AP4E1: variants seen among roughly 807,000 people sequenced by gnomAD.
AP4E1 encodes AP-4 complex subunit epsilon-1.
Under a neutral mutation model 128.2 loss-of-function variants are expected in AP4E1, and 56 were observed. That is an observed-to-expected ratio of 0.44 (90% confidence interval 0.35 to 0.55). The LOEUF (loss-of-function observed/expected upper bound fraction) is 0.55. Among genes scored for constraint, AP4E1 ranks in the 20% least tolerant of loss-of-function variants. The pLI is 0.00. For missense variants in AP4E1, 1,324 were observed against 1,307.7 expected (o/e 1.01, Z -0.19); for synonymous variants, 484 against 473.1 (o/e 1.02, Z -0.30).
rs201339574 is a variant in AP4E1 at position 50,948,021 on chromosome 15, C to T, written c.1178C>T (p.Thr393Ile). Residue 393 changes from threonine to isoleucine, a missense_variant and splice_region_variant, in exon 11 of 21, where the codon ACT becomes ATT. Transcript: ENST00000261842. ...TTTTAATTTTTCTTCTTTAAATAGA[C>T]TCTGGAACTTCTTTACAGAATTACT... is the stretch of plus-strand genomic sequence containing the variant. ...DHPDPIIKRE[T>I]LELLYRITNA... is the part of the protein sequence containing the mutation. 4 of 1,594,634 alleles carry T rather than the reference C, an allele frequency of 2.5e-6. No individual in the cohort carries two copies. The highest frequency in any genetic ancestry group is 3.4e-6 in the Non-Finnish European group (4 of 1,163,316).
intron 3 of AP4E1, among the ~76,000 whole-genome samples, chr15:50,920,724 T>C (rs2063692111): frequency 6.6e-6 from 1 of 151,896 alleles, no homozygotes; most frequent in Admixed American, 6.6e-5. Context: ...ATGTCTTCAC[T>C]CTGGTACTGT....
chr15:50,949,949 T>C lies in AP4E1; in HGVS notation c.1429+11T>C, dbSNP rs116904472. On this transcript the variant is annotated intron_variant, in intron 12 of 20. Transcript: ENST00000261842. ...GACTACTAGCGGAAGGTTGGTACACTATTATATTCTGTAAAGTAAACATTT... is the reference window on the plus strand; with the variant it reads ...GACTACTAGCGGAAGGTTGGTACACCATTATATTCTGTAAAGTAAACATTT... 260 of 1,601,866 alleles carry C rather than the reference T, an allele frequency of 1.6e-4. No individual in the cohort carries two copies. The East Asian group carries it at 5.7e-3, about 35-fold the overall frequency.
At chr15:50,999,721 C>G (rs1378202172) in intron 19 of AP4E1, among the ~76,000 whole-genome samples, 1 of 151,768 alleles carries the variant, frequency 6.6e-6, no homozygotes, top group Middle Eastern at 3.4e-3. Context: ...TATTATTATA[C>G]TTTAAGTTTT....
intron 6 of AP4E1, among the ~76,000 whole-genome samples, chr15:50,929,456 A>G (rs888443036): frequency 1.2e-4 from 18 of 152,022 alleles, no homozygotes; most frequent in Non-Finnish European, 2.2e-4. Context: ...TGTTTTTTCA[A>G]GCAGTAATTC....
chr15:50,938,316 T>A (rs2063935584), intron 8 of AP4E1, among the ~76,000 whole-genome samples: 1 of 151,988 alleles, frequency 6.6e-6, no homozygotes, highest in Non-Finnish European at 1.5e-5. Context: ...AAAAGGGAAA[T>A]TAGCAAGGTA....
chr15:50,926,398 A>G (rs1011020163), intron 5 of AP4E1, among the ~76,000 whole-genome samples: 2 of 152,104 alleles, frequency 1.3e-5, no homozygotes, highest in African/African-American at 4.8e-5. Context: ...GGCCTCCCAA[A>G]GTGCTGAGAT....
chr15:50,957,570 C>A lies in AP4E1; in HGVS notation c.1549-922C>A, dbSNP rs1308159388. Among the ~76,000 whole-genome samples, 3 of 151,902 alleles carry A rather than the reference C, an allele frequency of 2.0e-5. No individual in the cohort carries two copies. In the East Asian group the frequency reaches 5.8e-4, roughly 29 times the overall value. On this transcript the variant is annotated intron_variant, in intron 13 of 20. Transcript: ENST00000261842. ...GGTGGGGCTTCTCCAGGGACCCCAC[C>A]CTTTTCTGCCTAGAATTCCTCTGCC... is the stretch of plus-strand genomic sequence containing the variant.
At chr15:50,962,083 G>A (rs1246218102) in intron 14 of AP4E1, among the ~76,000 whole-genome samples, 1 of 151,812 alleles carries the variant, frequency 6.6e-6, no homozygotes, top group African/African-American at 2.4e-5. Context: ...ACCTCTACAA[G>A]GAAAACTTCA....
In AP4E1 at chr15:50,993,485, A is replaced by G; in HGVS notation, c.2206A>G (p.Ser736Gly). 6.2e-7 allele frequency: 1 copy of G among 1,613,994 alleles called. No homozygotes were observed. Among genetic ancestry groups the G allele is most frequent in the African/African-American group, 1.3e-5 (1 of 75,048 alleles). The change falls in exon 17 of 21, where the codon AGT becomes GGT. Residue 736 changes from serine (S) to glycine (G), a missense_variant. Physicochemically the swap from Ser to Gly is moderately conservative, Grantham distance 56 (BLOSUM62 0). Coordinates refer to ENST00000261842, the MANE Select transcript of AP4E1 (RefSeq NM_007347.5). ...TGGAGCTCTGCCTGTTCCTCAAGAG[A>G]GTATAATGGAGAATGTAGATCAAGC... ...ESGALPVPQESIMENVDQAIT... is the reference protein window; with the variant it reads ...ESGALPVPQEGIMENVDQAIT...
At chr15:50,981,784 T>A (rs2064645266) in intron 15 of AP4E1, among the ~76,000 whole-genome samples, 1 of 151,906 alleles carries the variant, frequency 6.6e-6, no homozygotes, top group South Asian at 2.1e-4. Context: ...TGGGAGTGGG[T>A]CATTAAAAAA....
In AP4E1 at chr15:50,908,713, GGCCGGGCATGAA is replaced by G. The variant is rs1555452731; in HGVS notation, c.-58_-47del. On this transcript the variant is annotated 5_prime_UTR_variant, in exon 1 of 21. The change abolishes an upstream ATG in the 5' untranslated region. Coordinates refer to ENST00000261842, the MANE Select transcript of AP4E1 (RefSeq NM_007347.5). Reference sequence around the variant, plus strand: ...CTACGGAGGCCGGGCCGGCAGCGGCGGCCGGGCATGAAGCCGGGCGGCTACGGGATCGCGGGC... The same window carrying G: ...CTACGGAGGCCGGGCCGGCAGCGGCGGCCGGGCGGCTACGGGATCGCGGGC... 3.6e-6 allele frequency: 5 copies of G among 1,406,896 alleles called. No homozygotes were observed. The highest frequency in any genetic ancestry group is 7.4e-5 in the Admixed American group (2 of 26,942). The allele number at this position is 1,406,896 out of a possible 1,614,324, so 87.2% of individuals were successfully genotyped here.
At chr15:50,907,868 C>A (rs79566063), upstream of AP4E1, among the ~76,000 whole-genome samples, 2 of 152,190 alleles carry the variant, frequency 1.3e-5, no homozygotes, top group South Asian at 2.1e-4. Flanking sequence ...AGATAAAAGA[C>A]GGAGCAATCG....
At chr15:50,999,294 G>C in intron 19 of AP4E1, 32 bp downstream of exon 19, 1 of 1,574,176 alleles carries the variant, frequency 6.4e-7, no homozygotes. Flanking sequence ...AATTCAAGTT[G>C]TTAATTCACC....
rs2064957059 is a variant in AP4E1, at chr15:51,001,112, C to T, written c.3182C>T (p.Ser1061Phe). The T allele has an allele frequency of 1.2e-6, 2 of 1,613,562 alleles. No homozygotes were observed. The highest frequency in any genetic ancestry group is 1.7e-6 in the Non-Finnish European group (2 of 1,179,648). The change falls in exon 20 of 21, where the codon TCT becomes TTT. Residue 1061 changes from serine to phenylalanine, a missense_variant. By Grantham distance (155) the Ser-to-Phe change is radical. Transcript: ENST00000261842. ...AAACAAAATGTAAAAATGTCAGAAT[C>T]TCAAGCTGCACTTCCTTCTGCACTA... ...DVKQNVKMSE[S>F]QAALPSALKT... is the part of the protein sequence containing the mutation.
intron 18 of AP4E1, among the ~76,000 whole-genome samples, chr15:50,998,362 T>G (rs1016015590): frequency 2.6e-5 from 4 of 151,574 alleles, no homozygotes; most frequent in Non-Finnish European, 5.9e-5. Flanking sequence ...CCAGGTGCGG[T>G]GGCTTATGCC....
Position 50,948,103 on chromosome 15 carries a change from CAAAGA to C in AP4E1, c.1262_1266del (p.Lys421ArgfsTer16), listed in dbSNP as rs2064088242. On this transcript the variant is annotated frameshift_variant, in exon 11 of 21. Transcript: ENST00000261842. LOFTEE classifies it high-confidence loss of function. ...AAATGCTTGAATATTTACATCAGAGCAAAGAAGAGTATGTCATCGTCAATTTGGTC... is the reference window on the plus strand; with the variant it reads ...AAATGCTTGAATATTTACATCAGAGCAGAGTATGTCATCGTCAATTTGGTC... 6.2e-7 allele frequency: 1 copy of C among 1,613,786 alleles called. No individual in the cohort carries two copies. The highest frequency in any genetic ancestry group is 8.5e-7 in the Non-Finnish European group (1 of 1,179,868).
rs1320099800 is a variant in AP4E1 at position 50,935,058 on chromosome 15, G to A, written c.943+361G>A. On this transcript the variant is annotated intron_variant, in intron 8 of 20. Coordinates refer to ENST00000261842, the MANE Select transcript of AP4E1 (RefSeq NM_007347.5). Reference sequence around the variant, plus strand: ...AAGACAGTTCTTAAATAAATCAATCGACTAGTTGTCAGATATTTTATTAAA... The same window carrying A: ...AAGACAGTTCTTAAATAAATCAATCAACTAGTTGTCAGATATTTTATTAAA... 3.9e-5 allele frequency among the ~76,000 whole-genome samples: 6 copies of A among 151,912 alleles called. No homozygotes were observed. The South Asian group carries it at 6.2e-4, about 16-fold the overall frequency.
At chr15:50,979,418 C>T (rs1456870577) in intron 15 of AP4E1, among the ~76,000 whole-genome samples, 1 of 152,228 alleles carries the variant, frequency 6.6e-6, no homozygotes, top group Non-Finnish European at 1.5e-5. Flanking sequence ...CTCATACTCT[C>T]TTGCCCTTCT....
chr15:50,935,516 A>G (rs951947237), intron 8 of AP4E1, among the ~76,000 whole-genome samples: 1 of 152,150 alleles, frequency 6.6e-6, no homozygotes, highest in Non-Finnish European at 1.5e-5. Flanking sequence ...AGCCTGAGAA[A>G]GCTCAGTGAG....
Sources: gnomAD v4.1 joint callset for allele counts (sites outside exome capture counted in the v4.1 genomes callset) on GRCh38, gnomAD v4.1.1 for gene constraint, MANE v1.5 for transcripts, NCBI Gene and HGNC (gene_info 2026-07-23, HGNC 2026-07-21) for gene names.